The following CHFR variants were observed in gnomAD, a reference collection of about 807,000 sequenced individuals.
CHFR encodes the protein E3 ubiquitin-protein ligase CHFR.
Under a neutral mutation model 87.6 loss-of-function variants are expected in CHFR, and 57 were observed. That is an observed-to-expected ratio of 0.65 (90% CI 0.53 to 0.81). The LOEUF (loss-of-function observed/expected upper bound fraction) is 0.81. CHFR is among the 30% of genes least tolerant of loss of function. The pLI is 0.00. For missense variants in CHFR, 797 were observed against 865.8 expected (o/e 0.92, Z 1.00); for synonymous variants, 381 against 359.2 (o/e 1.06, Z -0.69).
intron 10 of CHFR, among the ~76,000 whole-genome samples, chr12:132,855,337 G>A (rs563867715): frequency 2.6e-5 from 4 of 151,894 alleles, no homozygotes; most frequent in Admixed American, 2.0e-4. Context: ...CAGGAGAATC[G>A]CTTGAACCCG....
intron 3 of CHFR, among the ~76,000 whole-genome samples, chr12:132,875,491 C>T (rs779847570): frequency 6.6e-5 from 10 of 152,142 alleles, no homozygotes; most frequent in African/African-American, 2.4e-5. Flanking sequence ...GGCGTGGCGG[C>T]GGGCACCTGT....
At chr12:132,859,332 T>C (rs1951161306) in intron 7 of CHFR, 105 bp from the exon 8 acceptor site, 8 of 1,122,096 alleles carry the variant, frequency 7.1e-6, no homozygotes, top group Non-Finnish European at 1.0e-5. Context: ...CTAACTGTCG[T>C]AACCGAGAAG....
rs1161513522 is a variant in CHFR, at chr12:132,887,103, T to C, written c.133+93A>G. ...TGACATTTCACTCCACGGAAAAATC[T>C]GGAGCGCACACTGCACCGCCGCCCG... On this transcript the variant is annotated intron_variant, in intron 2 of 17. Transcript: ENST00000450056. The C allele has an allele frequency of 6.4e-6, 7 of 1,097,192 alleles. No homozygotes were observed. The African/African-American group carries it at 8.3e-5, about 13-fold the overall frequency. 68.0% of individuals were successfully genotyped at this position (1,097,192 alleles called of 1,614,324 possible).
chr12:132,843,253 C>T (rs997547506), intron 16 of CHFR, among the ~76,000 whole-genome samples, 170 bp from the exon 17 acceptor site: 3 of 152,040 alleles, frequency 2.0e-5, no homozygotes, highest in African/African-American at 7.3e-5. Flanking sequence ...AAAGGAAACA[C>T]ATGTTTAACT....
In CHFR at chr12:132,870,735, T is replaced by G; in HGVS notation, c.392A>C (p.Gln131Pro). The change falls in exon 5 of 18, where the codon CAA (glutamine) becomes CCA (proline). Residue 131 changes from glutamine (Q) to proline (P), a missense_variant. Physicochemically the swap from Gln to Pro is moderately conservative, Grantham distance 76. Transcript: ENST00000450056. ...ACACTCTTACTTACCAAAGGATTCT[T>G]GTGTCATGCCTTGCTTTTCACTTAA... ...ESLSEKQGMT[Q>P]ESFDTSGAGA... 2 of 1,608,602 alleles carry G rather than the reference T, an allele frequency of 1.2e-6. No homozygotes were observed. The highest frequency in any genetic ancestry group is 1.7e-6 in the Non-Finnish European group (2 of 1,175,036).
Position 132,834,084 on chromosome 12 carries a change from GT to G in CHFR, c.*7469del, listed in dbSNP as rs1950631300. The G allele has an allele frequency of 1.3e-5, 2 of 152,412 alleles. No individual in the cohort carries two copies. Among genetic ancestry groups the G allele is most frequent in the Non-Finnish European group, 1.5e-5 (1 of 68,196 alleles). 9.4% of individuals were successfully genotyped at this position (152,412 alleles called of 1,614,324 possible). A position where few individuals can be genotyped will look rare whatever the true frequency, so the allele number is the denominator to read the frequency against. ...GACAGCCAGCAGGATGACTCCTGGG[GT>G]TGGGCCTGAGCTACAGGGAGGCCAT... On this transcript the variant is annotated 3_prime_UTR_variant, in exon 18 of 18. Transcript: ENST00000450056.
rs1356078470 is a variant in CHFR, at chr12:132,832,369, G to A, written c.*9185C>T. 6.6e-6 allele frequency: 1 copy of A among 152,106 alleles called. No homozygotes were observed. The highest frequency in any genetic ancestry group is 1.5e-5 in the Non-Finnish European group (1 of 68,022). 9.4% of individuals were successfully genotyped at this position (152,106 alleles called of 1,614,324 possible). ...AGGTGTAGCCAATGGGAGAAATAGG[G>A]AAAACATTTAATTAGCATAAGATCT... is the stretch of plus-strand genomic sequence containing the variant. On this transcript the variant is annotated 3_prime_UTR_variant, in exon 18 of 18. Transcript: ENST00000450056.
At chr12:132,843,660 G>C (rs1184006240) in intron 16 of CHFR, among the ~76,000 whole-genome samples, 2 of 151,984 alleles carry the variant, frequency 1.3e-5, no homozygotes, top group Admixed American at 1.3e-4. Context: ...AGTGCAAACA[G>C]GGTGTCTGTA....
chr12:132,883,750 C>T (rs1951821463), intron 2 of CHFR, among the ~76,000 whole-genome samples: 1 of 152,180 alleles, frequency 6.6e-6, no homozygotes, highest in Non-Finnish European at 1.5e-5. Context: ...CCTTCCTACA[C>T]GTTACCTAGG....
chr12:132,844,535 C>T (rs1446873794), intron 15 of CHFR, among the ~76,000 whole-genome samples: 2 of 149,106 alleles, frequency 1.3e-5, no homozygotes, highest in African/African-American at 4.8e-5. Context: ...CCACCCGCCT[C>T]GGCCTCCCAA....
intron 2 of CHFR, among the ~76,000 whole-genome samples, chr12:132,879,347 C>T (rs1951713235): frequency 1.3e-5 from 2 of 151,244 alleles, no homozygotes; most frequent in African/African-American, 4.9e-5. Context: ...TACAGGGATG[C>T]ATCTATAGCT....
At chr12:132,871,223 G>A (rs34739714) in intron 4 of CHFR, among the ~76,000 whole-genome samples, 40,019 of 152,060 alleles carry the variant, frequency 0.26, 5,572 homozygotes, top group Middle Eastern at 0.42. Flanking sequence ...AGGCCGAGGC[G>A]GGCGGATTAC....
In CHFR at chr12:132,837,666, C is replaced by T. The variant is rs1019523607; in HGVS notation, c.*3888G>A. ...CACTAGGCGTTTCTGGAGGTGGCTC[C>T]CCCGAAGATCACCCGGCTCCGTCCT... On this transcript the variant is annotated 3_prime_UTR_variant, in exon 18 of 18. Coordinates refer to ENST00000450056, the MANE Select transcript of CHFR (RefSeq NM_001161346.2). The T allele has an allele frequency of 4.6e-5, 7 of 152,308 alleles. No individual in the cohort carries two copies. Among genetic ancestry groups the T allele is most frequent in the African/African-American group, 1.7e-4 (7 of 41,456 alleles). The allele number at this position is 152,308 out of a possible 1,614,324, so 9.4% of individuals were successfully genotyped here. A position where few individuals can be genotyped will look rare whatever the true frequency, so the allele number is the denominator to read the frequency against.
In CHFR at chr12:132,844,037, G is replaced by A. The variant is rs373411620; in HGVS notation, c.1833C>T (p.Ser611=). ...TYQYRQNIPA[S]ELPVAVTSRP... ...TCGGGGGCTCCTTACCTGGCAACTC[G>A]GAAGCAGGAATGTTCTGCCGATACT... Residue 611 remains serine, a synonymous_variant, in exon 16 of 18, where the codon TCC becomes TCT. Coordinates refer to ENST00000450056, the MANE Select transcript of CHFR (RefSeq NM_001161346.2). 9 of 1,612,314 alleles carry A rather than the reference G, an allele frequency of 5.6e-6. No individual in the cohort carries two copies. In the East Asian group the frequency reaches 6.7e-5, roughly 12 times the overall value.
intron 5 of CHFR, among the ~76,000 whole-genome samples, chr12:132,870,187 C>T (rs904069044): frequency 1.3e-5 from 2 of 152,058 alleles, no homozygotes; most frequent in African/African-American, 4.8e-5. Flanking sequence ...CCCATCTCTA[C>T]TAAAAATACA....
At chr12:132,859,683 A>G (rs957683320) in intron 7 of CHFR, among the ~76,000 whole-genome samples, 1 of 152,122 alleles carries the variant, frequency 6.6e-6, no homozygotes, top group Non-Finnish European at 1.5e-5. Flanking sequence ...TATAATGCTC[A>G]GATGTTGGTA....
chr12:132,861,108 G>A (rs1431172747), intron 7 of CHFR, among the ~76,000 whole-genome samples: 2 of 152,014 alleles, frequency 1.3e-5, no homozygotes, highest in African/African-American at 4.8e-5. Flanking sequence ...GGTCTCGAAC[G>A]CCTGACCTCA....
rs373924283 is a variant in CHFR at position 132,868,541 on chromosome 12, G to A, written c.583+1078C>T. Among the ~76,000 whole-genome samples the A allele has an allele frequency of 5.3e-5, 8 of 152,224 alleles. No individual in the cohort carries two copies. The East Asian group carries it at 5.8e-4, about 11-fold the overall frequency. On this transcript the variant is annotated intron_variant, in intron 6 of 17. Transcript: ENST00000450056. ...AAAAACAAAAAAAAATTAGCTGGGCGTGGTTGCAGGCACCTGTAGTCCCAG... is the reference window on the plus strand; with the variant it reads ...AAAAACAAAAAAAAATTAGCTGGGCATGGTTGCAGGCACCTGTAGTCCCAG...
chr12:132,840,528 AAAGAT>A lies in CHFR; in HGVS notation c.*1021_*1025del, dbSNP rs1950688278. The A allele has an allele frequency of 1.3e-5, 2 of 152,794 alleles. No individual in the cohort carries two copies. Among genetic ancestry groups the A allele is most frequent in the East Asian group, 3.9e-4 (2 of 5,194 alleles). 9.5% of individuals were successfully genotyped at this position (152,794 alleles called of 1,614,324 possible). A position where few individuals can be genotyped will look rare whatever the true frequency, so the allele number is the denominator to read the frequency against. On this transcript the variant is annotated 3_prime_UTR_variant, in exon 18 of 18. Coordinates refer to ENST00000450056, the MANE Select transcript of CHFR (RefSeq NM_001161346.2). Reference sequence around the variant, plus strand: ...ACAAGGATAACAGGTGATTTCAACAAAAGATAAAAAACTTTTTTTTCCAAAAATCA... The same window carrying A: ...ACAAGGATAACAGGTGATTTCAACAAAAAAAACTTTTTTTTCCAAAAATCA...
Sources: gnomAD v4.1 joint callset for allele counts (sites outside exome capture counted in the v4.1 genomes callset) on GRCh38, gnomAD v4.1.1 for gene constraint, MANE v1.5 for transcripts, NCBI Gene and HGNC (gene_info 2026-07-23, HGNC 2026-07-21) for gene names.